The following CDH13 variants were observed in gnomAD, a reference collection of about 807,000 sequenced individuals.
The protein encoded by CDH13 is cadherin-13.
Under a neutral mutation model 63.8 loss-of-function variants are expected in CDH13, and 24 were observed. The observed-to-expected ratio is 0.38, with a 90% confidence interval of 0.27 to 0.53. The LOEUF (loss-of-function observed/expected upper bound fraction) is 0.53. Among genes scored for constraint, CDH13 ranks in the 20% least tolerant of loss-of-function variants. CDH13 has a pLI of 0.85. For missense variants in CDH13, 1,049 were observed against 903.1 expected (o/e 1.16, Z -2.07); for synonymous variants, 503 against 355.3 (o/e 1.42, Z -4.67).
chr16:83,729,567 A>C (rs952030694), intron 10 of CDH13, among the ~76,000 whole-genome samples: 1 of 152,228 alleles, frequency 6.6e-6, no homozygotes, highest in African/African-American at 2.4e-5. Flanking sequence ...CTATGGTTGG[A>C]CAACTCTATC....
intron 5 of CDH13, among the ~76,000 whole-genome samples, chr16:83,270,224 G>A (rs1238510437): frequency 2.6e-5 from 4 of 152,090 alleles, no homozygotes; most frequent in Admixed American, 6.5e-5. Flanking sequence ...AGTATAACAC[G>A]AGTGTTTGAT....
intron 7 of CDH13, among the ~76,000 whole-genome samples, chr16:83,566,897 C>G (rs534631623): frequency 6.6e-6 from 1 of 152,314 alleles, no homozygotes; most frequent in South Asian, 2.1e-4. Flanking sequence ...AAAGAAGAAA[C>G]ACAGTGAAAG....
chr16:83,169,504 T>C (rs1375831825), intron 4 of CDH13, among the ~76,000 whole-genome samples: 1 of 151,940 alleles, frequency 6.6e-6, no homozygotes, highest in African/African-American at 2.4e-5. Context: ...CTTTGATTGA[T>C]GAAAATGATA....
intron 1 of CDH13, among the ~76,000 whole-genome samples, chr16:82,716,496 T>G (rs993412546): frequency 6.6e-6 from 1 of 151,098 alleles, no homozygotes; most frequent in Admixed American, 6.6e-5. Context: ...CCACAAAAAA[T>G]TATTAAACAG....
intron 7 of CDH13, among the ~76,000 whole-genome samples, chr16:83,556,451 C>G (rs1203501716): frequency 2.0e-5 from 3 of 152,182 alleles, no homozygotes; most frequent in Non-Finnish European, 2.9e-5. Context: ...AGGAAACACA[C>G]ATTCTCACAT....
intron 10 of CDH13, chr16:83,739,866 A>G (rs530009020): frequency 3.9e-5 from 6 of 152,290 alleles, no homozygotes; most frequent in Admixed American, 3.3e-4. Context: ...TCTAGATTCT[A>G]TGTATGAAGG....
intron 2 of CDH13, among the ~76,000 whole-genome samples, chr16:82,916,563 G>T (rs949456508): frequency 2.1e-5 from 3 of 143,670 alleles, no homozygotes; most frequent in Admixed American, 2.0e-4. Context: ...GACAGGGTGA[G>T]ACTCTGTCTC....
In CDH13 at chr16:83,783,448, C is replaced by T. The variant is rs528408081; in HGVS notation, c.2110C>T (p.Leu704Phe). Reference protein sequence around the residue: ...ALRFSLPSVLLLSLFSLACL With the variant: ...ALRFSLPSVLFLSLFSLACL Reference sequence around the variant, plus strand: ...GCGCTTCAGCCTGCCCTCAGTCCTGCTCCTCAGCCTCTTCAGCTTAGCTTG... The same window carrying T: ...GCGCTTCAGCCTGCCCTCAGTCCTGTTCCTCAGCCTCTTCAGCTTAGCTTG... Residue 704 changes from leucine to phenylalanine, a missense_variant, in exon 13 of 14, where the codon CTC (leucine) becomes TTC (phenylalanine). By Grantham distance (22) the Leu-to-Phe change is conservative. Transcript: ENST00000567109. 9 of 1,613,888 alleles carry T rather than the reference C, an allele frequency of 5.6e-6. No homozygotes were observed. The East Asian group carries it at 2.0e-4, about 36-fold the overall frequency.
intron 13 of CDH13, among the ~76,000 whole-genome samples, chr16:83,784,557 G>T (rs368147802): frequency 2.0e-5 from 3 of 151,598 alleles, no homozygotes; most frequent in African/African-American, 7.3e-5. Context: ...ACTTGAACCC[G>T]GGAGGCGGAG....
At chr16:83,204,999 T>C (rs899479976) in intron 4 of CDH13, among the ~76,000 whole-genome samples, 3 of 152,216 alleles carry the variant, frequency 2.0e-5, no homozygotes, top group Admixed American at 2.0e-4. Context: ...CAGGTCCAAA[T>C]GGCCAAGGAA....
intron 5 of CDH13, among the ~76,000 whole-genome samples, chr16:83,227,154 C>G (rs982521549): frequency 6.6e-6 from 1 of 152,188 alleles, no homozygotes; most frequent in Admixed American, 6.5e-5. Context: ...AAATTGATCA[C>G]AAACGATTGG....
intron 6 of CDH13, among the ~76,000 whole-genome samples, chr16:83,481,927 T>G (rs1243049196): frequency 6.6e-6 from 1 of 152,068 alleles, no homozygotes; most frequent in Non-Finnish European, 1.5e-5. Flanking sequence ...TGGAGTCCAG[T>G]GTGTGGGACT....
intron 1 of CDH13, among the ~76,000 whole-genome samples, chr16:82,751,078 A>G (rs1346022569): frequency 3.9e-5 from 6 of 152,130 alleles, no homozygotes; most frequent in Admixed American, 3.3e-4. Flanking sequence ...CTTCCTGAGC[A>G]TCTATCCAGT....
intron 2 of CDH13, among the ~76,000 whole-genome samples, chr16:82,896,398 C>A (rs2041264028): frequency 6.7e-6 from 1 of 148,696 alleles, no homozygotes; most frequent in African/African-American, 2.5e-5. Context: ...CTCAAGTAAT[C>A]CTCCCACCTC....
intron 4 of CDH13, among the ~76,000 whole-genome samples, chr16:83,191,767 C>T (rs1479470292): frequency 1.3e-5 from 2 of 151,700 alleles, no homozygotes; most frequent in Non-Finnish European, 2.9e-5. Context: ...CTAGGCTTTT[C>T]ACGTTTTTCT....
chr16:82,849,225 C>T (rs576561552), intron 1 of CDH13, among the ~76,000 whole-genome samples: 4 of 152,240 alleles, frequency 2.6e-5, no homozygotes, highest in East Asian at 1.9e-4. Flanking sequence ...AGGTGAAAGC[C>T]AAGCACAGTG....
intron 2 of CDH13, among the ~76,000 whole-genome samples, chr16:82,979,420 C>T (rs575910228): frequency 6.6e-6 from 1 of 152,204 alleles, no homozygotes; most frequent in East Asian, 1.9e-4. Flanking sequence ...ATTATAGTTC[C>T]TGTAATCCCT....
At chr16:83,568,112 C>T (rs1490221487) in intron 7 of CDH13, among the ~76,000 whole-genome samples, 1 of 152,044 alleles carries the variant, frequency 6.6e-6, no homozygotes, top group Admixed American at 6.5e-5. Context: ...TCTTCTCCTC[C>T]CAAGCTCATT....
chr16:83,304,070 T>A (rs952309885), intron 5 of CDH13, among the ~76,000 whole-genome samples: 1 of 152,188 alleles, frequency 6.6e-6, no homozygotes, highest in African/African-American at 2.4e-5. Context: ...TAATTATTCA[T>A]GGAATTCCAA....
Sources: allele counts gnomAD v4.1 joint callset (sites outside exome capture counted in the v4.1 genomes callset), GRCh38; gene constraint gnomAD v4.1.1; transcripts MANE v1.5; gene names NCBI Gene and HGNC (gene_info 2026-07-23, HGNC 2026-07-21).